The following FAM81A variants were observed in gnomAD, a reference collection of about 807,000 sequenced individuals.
FAM81A encodes the protein family with sequence similarity 81 member A, also known as protein FAM81A.
FAM81A carries 19 observed loss-of-function variants against 46.7 expected under a neutral mutation model. The observed-to-expected ratio is 0.41, with a 90% CI of 0.28 to 0.60. The LOEUF (loss-of-function observed/expected upper bound fraction) is 0.60, where lower values mean the gene tolerates loss of function less well. Among genes scored for constraint, FAM81A ranks in the 20% least tolerant of loss-of-function variants. FAM81A has a pLI of 0.34. For synonymous variants in FAM81A, 183 were observed against 152.9 expected, an observed-to-expected ratio of 1.20 and a Z score of -1.45; for missense variants, 377 against 453.5, an observed-to-expected ratio of 0.83 and a Z score of 1.53.
At chr15:59,404,163 T>A (rs1274705499) in intron 2 of FAM81A, among the ~76,000 whole-genome samples, 4 of 152,168 alleles carry the variant, frequency 2.6e-5, no homozygotes, top group Admixed American at 1.3e-4. Context: ...ATTACAGGCC[T>A]GAACCACCAT....
upstream of FAM81A, among the ~76,000 whole-genome samples, chr15:59,436,734 C>A (rs2081245561): frequency 6.6e-6 from 1 of 152,070 alleles, no homozygotes; most frequent in Non-Finnish European, 1.5e-5. Context: ...TACCATGCAC[C>A]AGGCAGTGGG....
intron 2 of FAM81A, among the ~76,000 whole-genome samples, chr15:59,409,300 G>A (rs2081110321): frequency 6.6e-6 from 1 of 152,124 alleles, no homozygotes; most frequent in Non-Finnish European, 1.5e-5. Flanking sequence ...CTTTCTCCGG[G>A]ACAGTCAGAA....
chr15:59,500,690 T>C (rs1171299981), intron 4 of FAM81A, among the ~76,000 whole-genome samples: 1 of 152,028 alleles, frequency 6.6e-6, no homozygotes, highest in East Asian at 1.9e-4. Context: ...CATTTTTCTT[T>C]CTTTCTTTTT....
Position 59,423,481 on chromosome 15 carries a change from G to A in FAM81A, c.-78+21123G>A, listed in dbSNP as rs893859769. On this transcript the variant is annotated intron_variant, in intron 2 of 4. Transcript: ENST00000558348. Reference sequence around the variant, plus strand: ...AGCAAACTTTTCCCAAGGTCACAGAGTTATCGCTTGGCTGAGCTGAGATTT... The same window carrying A: ...AGCAAACTTTTCCCAAGGTCACAGAATTATCGCTTGGCTGAGCTGAGATTT... Among the ~76,000 whole-genome samples the A allele has an allele frequency of 1.2e-4, 19 of 152,300 alleles. No homozygotes were observed. The Middle Eastern group carries it at 0.01, about 82-fold the overall frequency.
At chr15:59,494,955 C>T (rs1390833321) in intron 4 of FAM81A, among the ~76,000 whole-genome samples, 2 of 152,058 alleles carry the variant, frequency 1.3e-5, no homozygotes, top group Non-Finnish European at 2.9e-5. Flanking sequence ...TGTGGCATAC[C>T]GTGTTCTAAA....
In FAM81A at chr15:59,520,795, C is replaced by G. The variant is rs532685354; in HGVS notation, c.983-459C>G. 1.1e-4 allele frequency among the ~76,000 whole-genome samples: 16 copies of G among 152,298 alleles called. No homozygotes were observed. The South Asian group carries it at 3.3e-3, about 32-fold the overall frequency. ...GGCCAGGCTGGCTCGAACTCCTGAC[C>G]TCAGGTGATCCATCCGCCTTGGCCT... On this transcript the variant is annotated intron_variant, in intron 8 of 8. Transcript: ENST00000288228.
intron 3 of FAM81A, among the ~76,000 whole-genome samples, chr15:59,483,301 T>G (rs1176861099): frequency 1.3e-5 from 2 of 152,118 alleles, no homozygotes; most frequent in Non-Finnish European, 2.9e-5. Context: ...CCTCCCAAAG[T>G]GCTGGGATTA....
intron 2 of FAM81A, among the ~76,000 whole-genome samples, chr15:59,424,623 A>T (rs1033505274): frequency 6.6e-6 from 1 of 152,176 alleles, no homozygotes; most frequent in Non-Finnish European, 1.5e-5. Flanking sequence ...AGAGTTCTCC[A>T]TTTCATAAAT....
At chr15:59,455,785 C>A (rs749356248) in intron 1 of FAM81A, among the ~76,000 whole-genome samples, 58 of 152,114 alleles carry the variant, frequency 3.8e-4, no homozygotes, top group Admixed American at 6.5e-4. Flanking sequence ...GATGAAATGG[C>A]CTTCAGAGAA....
At chr15:59,516,305 T>G (rs1319693541) in intron 7 of FAM81A, among the ~76,000 whole-genome samples, 1 of 152,084 alleles carries the variant, frequency 6.6e-6, no homozygotes, top group Non-Finnish European at 1.5e-5. Flanking sequence ...AATTTTTGTA[T>G]TTTTAATAAA....
At chr15:59,414,099 C>T (rs974123286) in intron 2 of FAM81A, among the ~76,000 whole-genome samples, 10 of 152,200 alleles carry the variant, frequency 6.6e-5, no homozygotes, top group East Asian at 1.9e-4. Flanking sequence ...TACAGGTGTG[C>T]GCCATCACCA....
chr15:59,445,506 A>G (rs2081344937), intron 1 of FAM81A: 1 of 152,188 alleles, frequency 6.6e-6, no homozygotes, highest in Admixed American at 6.5e-5. Flanking sequence ...AAATAGTTAT[A>G]AAATTAATGT....
rs2081536971 is a variant in FAM81A at position 59,460,345 on chromosome 15, G to T, written c.294+139G>T. On this transcript the variant is annotated intron_variant, in intron 3 of 8. Coordinates refer to ENST00000288228, the MANE Select transcript of FAM81A (RefSeq NM_152450.3). This position sits in a 1 kb window ranked among gnomAD's most constrained non-coding sequence, Gnocchi z 4.4. ...GCTGTCTGTCTTGTCTATTCTTAATGATCGCCAAGGAGACAGCTTGCAGAA... is the reference window on the plus strand; with the variant it reads ...GCTGTCTGTCTTGTCTATTCTTAATTATCGCCAAGGAGACAGCTTGCAGAA... 1 of 1,117,622 alleles carries T rather than the reference G, an allele frequency of 8.9e-7. No homozygotes were observed. Among genetic ancestry groups the T allele is most frequent in the Non-Finnish European group, 1.4e-6 (1 of 737,820 alleles). 69.2% of individuals were successfully genotyped at this position (1,117,622 alleles called of 1,614,324 possible). A position where few individuals can be genotyped will look rare whatever the true frequency, so the allele number is the denominator to read the frequency against.
chr15:59,405,845 A>G (rs1438720460), intron 2 of FAM81A, among the ~76,000 whole-genome samples: 2 of 152,098 alleles, frequency 1.3e-5, no homozygotes, highest in African/African-American at 4.8e-5. Context: ...TTCTGGGCTT[A>G]CCTGGGCATC....
chr15:59,476,657 G>A (rs913014798), intron 3 of FAM81A, among the ~76,000 whole-genome samples: 9 of 151,962 alleles, frequency 5.9e-5, no homozygotes, highest in Admixed American at 4.6e-4. Flanking sequence ...GGGCCTGATG[G>A]CATGTGCCTG....
intron 2 of FAM81A, among the ~76,000 whole-genome samples, chr15:59,427,784 T>A (rs1470402770): frequency 6.6e-6 from 1 of 152,242 alleles, no homozygotes; most frequent in East Asian, 1.9e-4. Context: ...ATAGGTACCA[T>A]ATTTTCTTTA....
chr15:59,511,407 A>G (rs1437166023), intron 6 of FAM81A, among the ~76,000 whole-genome samples: 1 of 152,268 alleles, frequency 6.6e-6, no homozygotes, highest in Non-Finnish European at 1.5e-5. Context: ...TAAAATTGGT[A>G]TAATTTCCAA....
At chr15:59,488,650 A>G (rs1221620325) in intron 3 of FAM81A, among the ~76,000 whole-genome samples, 4 of 152,258 alleles carry the variant, frequency 2.6e-5, no homozygotes, top group East Asian at 1.9e-4. Flanking sequence ...GAAGAAATCA[A>G]GAAAGTAATC....
chr15:59,472,158 C>A (rs1461855510), intron 3 of FAM81A, among the ~76,000 whole-genome samples: 1 of 152,066 alleles, frequency 6.6e-6, no homozygotes, highest in African/African-American at 2.4e-5. Flanking sequence ...AGCACTGAGA[C>A]CCTCCCTTTC....
Sources: allele counts gnomAD v4.1 joint callset (sites outside exome capture counted in the v4.1 genomes callset), GRCh38; gene constraint gnomAD v4.1.1; non-coding constraint Gnocchi (gnomAD v3.1); transcripts MANE v1.5; gene names NCBI Gene and HGNC (gene_info 2026-07-23, HGNC 2026-07-21).